ESR1: variants seen among roughly 807,000 people sequenced by gnomAD.
The protein encoded by ESR1 is estrogen receptor.
ESR1 carries 12 observed loss-of-function variants against 52.7 expected under a neutral mutation model. That is an observed-to-expected ratio of 0.23 (90% CI 0.15 to 0.37). The LOEUF is 0.37. ESR1 is among the 10% of genes least tolerant of loss of function. The probability of loss-of-function intolerance (pLI) is 1.00; values close to 1 mark genes in which losing one functional copy is unlikely to be tolerated. For synonymous variants in ESR1, 305 were observed against 316.8 expected (o/e 0.96, Z 0.39); for missense variants, 584 against 779.7 (o/e 0.75, Z 2.99).
intron 1 of ESR1, among the ~76,000 whole-genome samples, chr6:151,816,790 TC>T (rs34470030): frequency 3.9e-5 from 6 of 152,270 alleles, no homozygotes; most frequent in African/African-American, 1.2e-4. Context: ...ATGCCTGTCA[TC>T]CCAGCACTTT....
At chr6:151,819,299 G>A (rs1562439595) in intron 1 of ESR1, among the ~76,000 whole-genome samples, 1 of 152,116 alleles carries the variant, frequency 6.6e-6, no homozygotes, top group African/African-American at 2.4e-5. Flanking sequence ...CCCCCTCTAT[G>A]GAATAGATTT....
chr6:152,072,520 A>G (rs2048432102), intron 6 of ESR1, among the ~76,000 whole-genome samples: 1 of 152,166 alleles, frequency 6.6e-6, no homozygotes, highest in African/African-American at 2.4e-5. Context: ...AAGCTACTGG[A>G]CACGGGACTG....
chr6:151,822,753 G>C (rs9340789), intron 1 of ESR1, among the ~76,000 whole-genome samples: 5,674 of 152,226 alleles, frequency 0.037, 134 homozygotes, highest in Middle Eastern at 0.065. Flanking sequence ...TGAATCAGAA[G>C]GTTCATTAGC....
At chr6:151,816,256 A>ATGAG (rs1562435794) in intron 1 of ESR1, among the ~76,000 whole-genome samples, 2 of 152,210 alleles carry the variant, frequency 1.3e-5, no homozygotes, top group Non-Finnish European at 2.9e-5. Context: ...TTTATAGAAC[A>ATGAG]TGAGTACCAT....
chr6:151,943,628 G>A (rs1460577593), intron 3 of ESR1, among the ~76,000 whole-genome samples: 1 of 152,092 alleles, frequency 6.6e-6, no homozygotes, highest in Non-Finnish European at 1.5e-5. Context: ...TACCTTATGA[G>A]CAAGTCATTC....
Position 151,886,759 on chromosome 6 carries a change from G to A in ESR1, c.760+5988G>A, listed in dbSNP as rs1326128620. Among the ~76,000 whole-genome samples the A allele has an allele frequency of 3.3e-5, 5 of 152,022 alleles. No homozygotes were observed. In the East Asian group the frequency reaches 5.8e-4, roughly 18 times the overall value. On this transcript the variant is annotated intron_variant, in intron 3 of 7. Coordinates refer to ENST00000206249, the MANE Select transcript of ESR1 (RefSeq NM_000125.4). ...TATCCTTTATCAAAAGTAAACAACC[G>A]GCTGGCCATGGTGGCTCACACCTGT...
chr6:151,766,412 C>A (rs772444647), intron 2 of ESR1, among the ~76,000 whole-genome samples: 33 of 151,922 alleles, frequency 2.2e-4, no homozygotes, highest in Non-Finnish European at 4.1e-4. Context: ...GCCTGGGAAG[C>A]GGAGGTTGCA....
exon 7 of ESR1, chr6:152,127,486 C>G (rs1199039380): frequency 6.6e-6 from 1 of 152,172 alleles, no homozygotes; most frequent in East Asian, 1.9e-4. Flanking sequence ...TGTGCCGACT[C>G]ATACCCTTAG....
downstream of ESR1, among the ~76,000 whole-genome samples, chr6:152,103,529 G>A (rs1366023415): frequency 1.3e-5 from 2 of 152,160 alleles, no homozygotes; most frequent in Non-Finnish European, 2.9e-5. Flanking sequence ...ATTTTTCAGA[G>A]TTTCGGCTTC....
chr6:152,037,978 C>T (rs2045456364), intron 5 of ESR1, among the ~76,000 whole-genome samples: 1 of 152,040 alleles, frequency 6.6e-6, no homozygotes, highest in African/African-American at 2.4e-5. Flanking sequence ...TTGACTCACA[C>T]CATCACAAGG....
intron 2 of ESR1, among the ~76,000 whole-genome samples, chr6:151,746,591 G>C (rs1783499985): frequency 6.6e-6 from 1 of 152,186 alleles, no homozygotes; most frequent in Admixed American, 6.5e-5. Flanking sequence ...TGGTAGTTGA[G>C]ACTGAAATGC....
intron 5 of ESR1, among the ~76,000 whole-genome samples, chr6:152,034,671 C>A (rs190901384): frequency 3.9e-5 from 6 of 152,132 alleles, no homozygotes; most frequent in Admixed American, 3.9e-4. Context: ...ATTCTTCAGT[C>A]TTTTTAATTC....
chr6:151,956,861 T>TAAAA (rs1554293647), intron 4 of ESR1, among the ~76,000 whole-genome samples: 193 of 82,756 alleles, frequency 2.3e-3, no homozygotes, highest in African/African-American at 5.7e-3. Flanking sequence ...TATATATATA[T>TAAAA]AAATATATAT....
chr6:151,780,702 G>A (rs1303233594), intron 2 of ESR1, among the ~76,000 whole-genome samples: 1 of 152,198 alleles, frequency 6.6e-6, no homozygotes, highest in Admixed American at 6.5e-5. Flanking sequence ...TTAGGCTTAT[G>A]TTTGATGTCA....
chr6:151,964,720 C>T (rs974427410), intron 4 of ESR1, among the ~76,000 whole-genome samples: 1 of 151,702 alleles, frequency 6.6e-6, no homozygotes, highest in Non-Finnish European at 1.5e-5. Context: ...CCACTCACTG[C>T]AAGCTCTGCC....
intron 3 of ESR1, among the ~76,000 whole-genome samples, chr6:151,913,612 A>G (rs1349960589): frequency 6.6e-6 from 1 of 152,178 alleles, no homozygotes; most frequent in African/African-American, 2.4e-5. Flanking sequence ...ATTAATTAGG[A>G]CAATTTATTC....
chr6:151,790,958 T>C (rs1335101380), intron 2 of ESR1, among the ~76,000 whole-genome samples: 1 of 152,178 alleles, frequency 6.6e-6, no homozygotes, highest in African/African-American at 2.4e-5. Context: ...TGTTGGATAG[T>C]GTGAGTTTTC....
intron 4 of ESR1, among the ~76,000 whole-genome samples, chr6:151,998,098 A>G (rs2041649263): frequency 6.6e-6 from 1 of 152,068 alleles, no homozygotes. Context: ...CAAATTAGAT[A>G]TTTTCCTTGG....
chr6:152,083,289 A>C (rs2049395196), intron 6 of ESR1, among the ~76,000 whole-genome samples: 2 of 152,246 alleles, frequency 1.3e-5, no homozygotes, highest in African/African-American at 4.8e-5. Flanking sequence ...GGAACAGAAC[A>C]GAGGCCTCAG....
Sources: allele counts gnomAD v4.1 joint callset (sites outside exome capture counted in the v4.1 genomes callset), GRCh38; gene constraint gnomAD v4.1.1; transcripts MANE v1.5; gene names NCBI Gene and HGNC (gene_info 2026-07-23, HGNC 2026-07-21).